DMD: variants seen among roughly 807,000 people sequenced by gnomAD.
The protein encoded by DMD is mutant dystrophin.
DMD carries 63 observed loss-of-function variants against 330.1 expected under a neutral mutation model. The observed-to-expected ratio is 0.19, with a 90% CI of 0.16 to 0.24. The LOEUF is 0.24. Ranked by LOEUF, DMD falls within the 10% of genes least tolerant of loss-of-function variation. DMD has a pLI of 1.00. For synonymous variants in DMD, 1,223 were observed against 959.8 expected, an observed-to-expected ratio of 1.27 and a Z score of -5.07; for missense variants, 3,344 against 2,684.1, an observed-to-expected ratio of 1.25 and a Z score of -5.43.
chrX:32,563,290 C>T (rs897578407), intron 16 of DMD, among the ~76,000 whole-genome samples: 7 of 94,712 alleles, frequency 7.4e-5, no homozygotes, highest in Non-Finnish European at 1.2e-4. Flanking sequence ...TTGCAGTGAG[C>T]TGAGATTGTG....
At chrX:32,830,141 G>A (rs1008023411) in intron 4 of DMD, among the ~76,000 whole-genome samples, 2 of 111,100 alleles carry the variant, frequency 1.8e-5, no homozygotes, top group African/African-American at 6.5e-5. Context: ...TCACATTGAC[G>A]GTCTGGTCTG....
intron 47 of DMD, among the ~76,000 whole-genome samples, chrX:31,897,994 T>C (rs2094368525): frequency 9.0e-6 from 1 of 111,025 alleles, no homozygotes; most frequent in South Asian, 3.8e-4. Flanking sequence ...ATGAAGTCCT[T>C]GCCCATGCCT....
In DMD at chrX:32,121,058, G is replaced by A. The variant is rs750783546; in HGVS notation, c.6438+95858C>T. Among the ~76,000 whole-genome samples, 13 of 112,109 alleles carry A rather than the reference G, an allele frequency of 1.2e-4. No homozygotes were observed. In the South Asian group the frequency reaches 1.5e-3, roughly 13 times the overall value. The stretch of plus-strand genomic sequence containing the variant: ...AGAGAACAAGCCCGGAAGTGCAAAC[G>A]TTCGTTAGAAGTTACTGATTTGTGC... On this transcript the variant is annotated intron_variant, in intron 44 of 78. Transcript: ENST00000357033.
chrX:31,205,041 T>C (rs1301805056), intron 66 of DMD, among the ~76,000 whole-genome samples: 1 of 112,314 alleles, frequency 8.9e-6, no homozygotes, highest in Non-Finnish European at 1.9e-5. Flanking sequence ...TGGTCAGTTG[T>C]GTGCCAGAAG....
intron 55 of DMD, among the ~76,000 whole-genome samples, chrX:31,603,154 C>T (rs1013377015): frequency 1.8e-5 from 2 of 110,297 alleles, no homozygotes; most frequent in African/African-American, 6.6e-5. Flanking sequence ...GGTATAGACC[C>T]GAACAGAACC....
chrX:32,573,606 T>C lies in DMD; in HGVS notation c.1736A>G (p.Glu579Gly), dbSNP rs764527758. The part of the protein sequence containing the change: ...CLFSAWLSEK[E>G]DAVNKIHTTG... ...TGTGTGAATCTTGTTCACTGCATCT[T>C]CTTTTTCTGAAAGCCATGCACTAAA... Residue 579 changes from glutamate (E) to glycine (G), a missense_variant, in exon 15 of 79, where the codon GAA (glutamate) becomes GGA (glycine). By Grantham distance (98) the Glu-to-Gly change is moderately conservative. Transcript: ENST00000357033. 1 of 1,211,660 alleles carries C rather than the reference T, an allele frequency of 8.3e-7. No homozygotes were observed. Among genetic ancestry groups the C allele is most frequent in the South Asian group, 1.8e-5 (1 of 57,013 alleles).
chrX:32,010,597 G>A (rs183846571), intron 44 of DMD, among the ~76,000 whole-genome samples: 1 of 111,505 alleles, frequency 9.0e-6, no homozygotes, highest in Non-Finnish European at 1.9e-5. Flanking sequence ...GGCTCTGGGC[G>A]TCACTGCACA....
At chrX:32,804,732 G>A (rs1181742217) in intron 7 of DMD, among the ~76,000 whole-genome samples, 1 of 112,021 alleles carries the variant, frequency 8.9e-6, no homozygotes, top group African/African-American at 3.2e-5. Context: ...AGCTCTGGCT[G>A]GCAACTGGTG....
chrX:31,623,973 G>A (rs772164605), intron 55 of DMD, among the ~76,000 whole-genome samples: 50 of 111,257 alleles, frequency 4.5e-4, no homozygotes, highest in African/African-American at 1.5e-3. Context: ...GAAATATTCA[G>A]AAAGACAGAG....
chrX:33,234,345 A>C (rs2052439314), intron 1 of DMD, among the ~76,000 whole-genome samples: 1 of 110,930 alleles, frequency 9.0e-6, no homozygotes, highest in African/African-American at 3.3e-5. Flanking sequence ...CACTTAATAG[A>C]TGGGTGTGTG....
At chrX:31,699,186 T>C (rs1051194461) in intron 52 of DMD, among the ~76,000 whole-genome samples, 4 of 112,238 alleles carry the variant, frequency 3.6e-5, no homozygotes, top group African/African-American at 6.5e-5. Flanking sequence ...TTGGTAACAC[T>C]GTTGGACTTT....
chrX:32,963,916 G>A (rs941036759), intron 2 of DMD, among the ~76,000 whole-genome samples: 4 of 111,272 alleles, frequency 3.6e-5, no homozygotes, highest in African/African-American at 9.8e-5. Flanking sequence ...TCATGCATTC[G>A]CAGTGATGCC....
chrX:32,567,902 G>A (rs2051927011), intron 15 of DMD, among the ~76,000 whole-genome samples: 1 of 110,262 alleles, frequency 9.1e-6, no homozygotes, highest in Admixed American at 9.7e-5. Flanking sequence ...TATACACAAA[G>A]ACACAAATCT....
At chrX:31,217,231 T>C (rs2045503171) in intron 64 of DMD, among the ~76,000 whole-genome samples, 1 of 112,175 alleles carries the variant, frequency 8.9e-6, no homozygotes, top group Admixed American at 9.5e-5. Context: ...ATTTTATCTT[T>C]GTTCCTGCTT....
chrX:32,014,862 C>T (rs1031815311), intron 44 of DMD, among the ~76,000 whole-genome samples: 1 of 111,915 alleles, frequency 8.9e-6, no homozygotes, highest in African/African-American at 3.3e-5. Context: ...TAGTAATAAG[C>T]CTCATATTAG....
At chrX:32,780,169 C>A (rs1177423107) in intron 7 of DMD, among the ~76,000 whole-genome samples, 1 of 111,751 alleles carries the variant, frequency 8.9e-6, no homozygotes, top group Non-Finnish European at 1.9e-5. Flanking sequence ...TTGTAACAGT[C>A]AATTTTTACC....
intron 49 of DMD, among the ~76,000 whole-genome samples, chrX:31,833,738 AGACAGGCT>A (rs1213384028): frequency 9.0e-6 from 1 of 111,249 alleles, no homozygotes; most frequent in African/African-American, 3.3e-5. Flanking sequence ...GGAGCTGGAC[AGACAGGCT>A]GTCTGATGCA....
rs755010525 is a variant in DMD, at chrX:33,287,233, A to G, written c.7+52026T>C. The stretch of plus-strand genomic sequence containing the variant: ...CATAATTATTGTGAGATATGGATCT[A>G]ATTAATACAGGGTTTTTCAAAAGTG... On this transcript the variant is annotated intron_variant, in intron 1 of 17. Transcript: ENST00000288447. 6.3e-5 allele frequency among the ~76,000 whole-genome samples: 7 copies of G among 111,323 alleles called. No homozygotes were observed. In the East Asian group the frequency reaches 2.0e-3, roughly 31 times the overall value.
chrX:32,508,469 A>G, intron 18 of DMD, among the ~76,000 whole-genome samples: 1 of 111,611 alleles, frequency 9.0e-6, no homozygotes, highest in Non-Finnish European at 1.9e-5. Context: ...ATACTACAAC[A>G]AAAGGGCCTG....
Sources: allele counts gnomAD v4.1 joint callset (sites outside exome capture counted in the v4.1 genomes callset), GRCh38; gene constraint gnomAD v4.1.1; transcripts MANE v1.5; gene names NCBI Gene and HGNC (gene_info 2026-07-23, HGNC 2026-07-21).